Variants in ARID1A observed in about 807,000 individuals in gnomAD.
The protein encoded by ARID1A is AT-rich interaction domain 1A, also known as AT-rich interactive domain-containing protein 1A.
In ARID1A, 20 loss-of-function variants were observed where a neutral mutation model predicts 212.6. The observed-to-expected ratio is 0.09, with a 90% confidence interval of 0.07 to 0.14. ARID1A has a LOEUF of 0.14. Ranked by LOEUF, ARID1A falls within the 10% of genes least tolerant of loss-of-function variation. The pLI is 1.00. For missense variants in ARID1A, 2,587 were observed against 3,059.0 expected (o/e 0.85, Z 3.64); for synonymous variants, 1,376 against 1,222.1 (o/e 1.13, Z -2.63).
rs576069675 is a variant in ARID1A, at chr1:26,731,714, G to C, written c.1803+110G>C. On this transcript the variant is annotated intron_variant, in intron 3 of 19. Transcript: ENST00000324856. ...AGTGGTTCTCTAACGTGCACTTAAAGACCAATTAAACTCTGGGTAAACATG... is the reference window on the plus strand; with the variant it reads ...AGTGGTTCTCTAACGTGCACTTAAACACCAATTAAACTCTGGGTAAACATG... 4.2e-4 allele frequency: 510 copies of C among 1,214,276 alleles called. 2 individuals are homozygous for C. Among genetic ancestry groups the C allele is most frequent in the Non-Finnish European group, 5.7e-4 (490 of 857,290 alleles). The allele number at this position is 1,214,276 out of a possible 1,614,324, so 75.2% of individuals were successfully genotyped here.
intron 6 of ARID1A, 122 bp from the exon 7 acceptor site, chr1:26,762,028 GAT>G: frequency 5.3e-6 from 6 of 1,129,634 alleles, no homozygotes; most frequent in Non-Finnish European, 7.5e-6. Context: ...TAGAAAATCA[GAT>G]AGAGACTCCA....
rs1279259438 is a variant in ARID1A, at chr1:26,762,245, A to G, written c.2345A>G (p.His782Arg). ...SPRQPSGGQIHTGMGSYQQNS... is the reference protein window; with the variant it reads ...SPRQPSGGQIRTGMGSYQQNS... ...CGTCAGCCTTCCGGAGGACAGATACACACAGGCATGGGCTCCTACCAGCAG... is the reference window on the plus strand; with the variant it reads ...CGTCAGCCTTCCGGAGGACAGATACGCACAGGCATGGGCTCCTACCAGCAG... The change falls in exon 7 of 20, where the codon CAC becomes CGC. Residue 782 changes from histidine to arginine, a missense_variant. Physicochemically the swap from His to Arg is conservative, Grantham distance 29. This residue lies in a region of ARID1A where 674 missense variants were observed against 813.4 expected (regional missense o/e 0.83). Coordinates refer to ENST00000324856, the MANE Select transcript of ARID1A (RefSeq NM_006015.6). 3 of 1,614,062 alleles carry G rather than the reference A, an allele frequency of 1.9e-6. No homozygotes were observed. The highest frequency in any genetic ancestry group is 2.7e-5 in the African/African-American group (2 of 74,910).
chr1:26,746,446 C>T (rs1450989277), intron 4 of ARID1A, among the ~76,000 whole-genome samples: 1 of 152,190 alleles, frequency 6.6e-6, no homozygotes, highest in Non-Finnish European at 1.5e-5. Flanking sequence ...TTCATGTCTG[C>T]CCTTGGGGAG....
intron 11 of ARID1A, among the ~76,000 whole-genome samples, chr1:26,768,218 C>G (rs1472893749): frequency 1.3e-5 from 2 of 152,102 alleles, no homozygotes; most frequent in Non-Finnish European, 2.9e-5. Flanking sequence ...AGTAAGTTTA[C>G]CGTGTATCTA....
rs769438406 is a variant in ARID1A at position 26,779,378 on chromosome 1, G to T, written c.5480G>T (p.Cys1827Phe). The change falls in exon 20 of 20, where the codon TGC becomes TTC. Residue 1827 changes from cysteine (C) to phenylalanine (F), a missense_variant. By Grantham distance (205) the Cys-to-Phe change is radical. This residue lies in a region of ARID1A where 890 missense variants were observed against 1,098.2 expected (regional missense o/e 0.81). Coordinates refer to ENST00000324856, the MANE Select transcript of ARID1A (RefSeq NM_006015.6). ...AAGAATGATCCATTTGTGGTGGACT[G>T]CTCAGATAAGCTTGGGCGTGTGCAG... ...VQKNDPFVVDCSDKLGRVQEF... is the reference protein window; with the variant it reads ...VQKNDPFVVDFSDKLGRVQEF... 2.0e-5 allele frequency: 32 copies of T among 1,614,112 alleles called. No homozygotes were observed. Among genetic ancestry groups the T allele is most frequent in the Non-Finnish European group, 2.7e-5 (32 of 1,180,056 alleles).
intron 4 of ARID1A, among the ~76,000 whole-genome samples, 160 bp downstream of exon 4, chr1:26,732,952 G>A (rs74361431): frequency 2.0e-5 from 3 of 152,158 alleles, no homozygotes; most frequent in South Asian, 2.1e-4. Context: ...TGTCTGTTCT[G>A]TCTCCCTGCC....
chr1:26,768,222 G>T (rs1018962071), intron 11 of ARID1A, among the ~76,000 whole-genome samples: 2 of 152,166 alleles, frequency 1.3e-5, no homozygotes, highest in Non-Finnish European at 2.9e-5. Context: ...AGTTTACCGT[G>T]TATCTATGGT....
rs369425182 is a variant in ARID1A at position 26,731,601 on chromosome 1, G to A, written c.1800G>A (p.Pro600=). Residue 600 remains proline, a synonymous_variant, in exon 3 of 20, where the codon CCG becomes CCA. Transcript: ENST00000324856. The part of the protein sequence containing the change: ...TAYSQQRFPP[P]QELSQDSFGS... ...ATTCCCAGCAGCGCTTCCCTCCACC[G>A]CAGGTAAGATATCCCTGCCTCCTGC... The A allele has an allele frequency of 8.6e-5, 138 of 1,612,866 alleles. No individual in the cohort carries two copies. The highest frequency in any genetic ancestry group is 1.1e-4 in the Non-Finnish European group (131 of 1,179,144).
intron 1 of ARID1A, among the ~76,000 whole-genome samples, chr1:26,718,792 CTG>C (rs1191543031): frequency 6.6e-6 from 1 of 152,152 alleles, no homozygotes; most frequent in Admixed American, 6.5e-5. Context: ...CTGGCTGAAT[CTG>C]TGGATGCAGA....
chr1:26,721,643 A>G lies in ARID1A; in HGVS notation c.1138-8008A>G, dbSNP rs184609488. Among the ~76,000 whole-genome samples the G allele has an allele frequency of 2.1e-3, 319 of 152,352 alleles. 1 individual carries two copies. Among genetic ancestry groups the G allele is most frequent in the Non-Finnish European group, 2.4e-3 (163 of 68,036 alleles). ...AAAAAGTGATCTTCATCATTTTAGG[A>G]AGAGCATTTTCTCTGGAAATGATGA... On this transcript the variant is annotated intron_variant, in intron 1 of 19. Transcript: ENST00000324856.
At chr1:26,704,281 G>A (rs1207748412) in intron 1 of ARID1A, among the ~76,000 whole-genome samples, 2 of 152,108 alleles carry the variant, frequency 1.3e-5, no homozygotes, top group African/African-American at 4.8e-5. Context: ...TAGTAAATTT[G>A]GATTTGGAAG....
At chr1:26,707,275 C>T (rs924131208) in intron 1 of ARID1A, among the ~76,000 whole-genome samples, 2 of 124,352 alleles carry the variant, frequency 1.6e-5, no homozygotes, top group Non-Finnish European at 3.2e-5. Context: ...GTGGTGTGAT[C>T]TCGGCTCACT....
At chr1:26,769,209 C>T (rs1345378985) in intron 11 of ARID1A, 1 of 152,184 alleles carries the variant, frequency 6.6e-6, no homozygotes. Flanking sequence ...GTTTCGCTCA[C>T]TTCTGATTGG....
chr1:26,762,874 C>A lies in ARID1A; in HGVS notation c.2420-99C>A, dbSNP rs955814389. 2.3e-5 allele frequency: 28 copies of A among 1,236,418 alleles called. No homozygotes were observed. The Admixed American group carries it at 7.9e-4, about 35-fold the overall frequency. 76.6% of individuals were successfully genotyped at this position (1,236,418 alleles called of 1,614,324 possible). ...ACCATGAAGTTGATCTCTTTCCTAA[C>A]CAAAATATTGAATGACATTGTTTGG... On this transcript the variant is annotated intron_variant, in intron 7 of 19. Transcript: ENST00000324856.
At chr1:26,710,494 TACACACACACAC>T (rs61663540) in intron 1 of ARID1A, among the ~76,000 whole-genome samples, 159 of 131,520 alleles carry the variant, frequency 1.2e-3, no homozygotes, top group African/African-American at 4.5e-3. Context: ...AAATAATACA[TACACACACACAC>T]ACACACACAC....
chr1:26,766,003 C>G, intron 8 of ARID1A: 1 of 557,898 alleles, frequency 1.8e-6, no homozygotes, highest in East Asian at 3.1e-5. Flanking sequence ...GATCACACCA[C>G]TGCATTCCAG....
intron 3 of ARID1A, 78 bp downstream of exon 3, chr1:26,731,682 T>C: frequency 6.7e-7 from 1 of 1,485,330 alleles, no homozygotes; most frequent in Non-Finnish European, 9.2e-7. Context: ...AGAACTTTGC[T>C]GTACAGAGTG....
chr1:26,704,406 C>T (rs890263317), intron 1 of ARID1A, among the ~76,000 whole-genome samples: 4 of 152,090 alleles, frequency 2.6e-5, no homozygotes, highest in African/African-American at 4.8e-5. Context: ...ACAAGAGCCA[C>T]GAAGTAAGTA....
chr1:26,732,598 A>G, intron 3 of ARID1A, 78 bp from the exon 4 acceptor site: 9 of 1,186,646 alleles, frequency 7.6e-6, no homozygotes, highest in South Asian at 5.0e-5. Flanking sequence ...AGACAGTCCC[A>G]TAACCCTTTC....
Sources: allele counts gnomAD v4.1 joint callset (sites outside exome capture counted in the v4.1 genomes callset), GRCh38; gene constraint gnomAD v4.1.1; regional missense constraint gnomAD v4.1.1; transcripts MANE v1.5; gene names NCBI Gene and HGNC (gene_info 2026-07-23, HGNC 2026-07-21).